Variants in GPHN observed in about 807,000 individuals in gnomAD.
The protein encoded by GPHN is gephyrin.
Under a neutral mutation model 95.5 loss-of-function variants are expected in GPHN, and 17 were observed. The observed-to-expected ratio is 0.18, with a 90% CI of 0.12 to 0.27. The LOEUF (loss-of-function observed/expected upper bound fraction) is 0.27. Among genes scored for constraint, GPHN ranks in the 10% least tolerant of loss-of-function variants. GPHN has a pLI of 1.00. For missense variants in GPHN, 660 were observed against 978.1 expected (o/e 0.67, Z 4.34); for synonymous variants, 320 against 322.5 (o/e 0.99, Z 0.08).
chr14:66,816,481 A>G (rs1356352506), intron 3 of GPHN, among the ~76,000 whole-genome samples: 1 of 152,208 alleles, frequency 6.6e-6, no homozygotes, highest in Non-Finnish European at 1.5e-5. Context: ...ATCAAATTAG[A>G]AATTAAGACT....
At chr14:67,274,060 C>T in the GPHN span, among the ~76,000 whole-genome samples, 3 of 152,078 alleles carry the variant, frequency 2.0e-5, no homozygotes, top group African/African-American at 7.2e-5. Flanking sequence ...AATTTTCTCC[C>T]ATTCTGTAGG....
At chr14:66,773,352 C>CT (rs542180875) in intron 2 of GPHN, among the ~76,000 whole-genome samples, 4,036 of 121,798 alleles carry the variant, frequency 0.033, 84 homozygotes, top group Middle Eastern at 0.086. Context: ...TTGGGGAAAT[C>CT]TTTTTTTTTT....
the GPHN span, chr14:67,593,739 T>C: frequency 6.3e-7 from 1 of 1,584,902 alleles, no homozygotes; most frequent in East Asian, 2.2e-5. Context: ...TTTTAAATAC[T>C]TACCATGTAA....
chr14:67,646,729 C>T, the GPHN span: 4 of 1,611,386 alleles, frequency 2.5e-6, no homozygotes, highest in Non-Finnish European at 3.4e-6. Context: ...GACGTGGACC[C>T]TCCTGAACAG....
the GPHN span, among the ~76,000 whole-genome samples, chr14:67,701,678 T>C: frequency 6.6e-6 from 1 of 152,112 alleles, no homozygotes; most frequent in Non-Finnish European, 1.5e-5. Context: ...CACTTCAGCC[T>C]CCCAAAGTGC....
the GPHN span, among the ~76,000 whole-genome samples, chr14:67,211,937 A>G: frequency 6.6e-6 from 1 of 152,208 alleles, no homozygotes; most frequent in South Asian, 2.1e-4. Flanking sequence ...GTCCCTGCAA[A>G]ACTTCTCAAA....
At chr14:66,839,555 G>C (rs1382537241) in intron 4 of GPHN, among the ~76,000 whole-genome samples, 3 of 152,120 alleles carry the variant, frequency 2.0e-5, no homozygotes, top group African/African-American at 7.2e-5. Flanking sequence ...TTACAAAATG[G>C]AGGTATTTGA....
At chr14:67,099,392 A>G (rs937506218) in intron 12 of GPHN, among the ~76,000 whole-genome samples, 1 of 152,154 alleles carries the variant, frequency 6.6e-6, no homozygotes, top group Non-Finnish European at 1.5e-5. Context: ...AAGTGCTGGG[A>G]TGACAGGTGT....
At chr14:66,582,364 A>C (rs2061220878) in intron 1 of GPHN, among the ~76,000 whole-genome samples, 1 of 151,982 alleles carries the variant, frequency 6.6e-6, no homozygotes, top group Non-Finnish European at 1.5e-5. Flanking sequence ...AAATTATGGG[A>C]TGCAACAAAA....
intron 3 of GPHN, among the ~76,000 whole-genome samples, chr14:66,818,253 C>A (rs929014134): frequency 7.2e-5 from 11 of 152,034 alleles, no homozygotes; most frequent in African/African-American, 2.7e-4. Context: ...CTGCTTCTCT[C>A]CCTCCTCTCA....
chr14:67,725,990 T>C, the GPHN span: 675 of 1,107,064 alleles, frequency 6.1e-4, 2 homozygotes, highest in Non-Finnish European at 8.3e-4. Context: ...TATGCAGGTC[T>C]GTTACAGGCA....
chr14:67,620,297 G>C, the GPHN span, among the ~76,000 whole-genome samples: 1 of 152,022 alleles, frequency 6.6e-6, no homozygotes, highest in Non-Finnish European at 1.5e-5. Flanking sequence ...GGGAGGGGTG[G>C]AGGGCACCCT....
chr14:67,338,511 CA>C, the GPHN span: 1 of 1,192,396 alleles, frequency 8.4e-7, no homozygotes, highest in Non-Finnish European at 1.1e-6. Context: ...ATTTTACAAC[CA>C]GTGAAATTCT....
Position 67,100,874 on chromosome 14 carries a change from A to T in GPHN, c.1256A>T (p.Asp419Val). ...YAVRAADGPGDRFIIGESQAG... is the reference protein window; with the variant it reads ...YAVRAADGPGVRFIIGESQAG... The stretch of plus-strand genomic sequence containing the variant: ...CTCACAGCTGCTGATGGCCCAGGAG[A>T]TCGTTTCATCATTGGGGAATCCCAA... Residue 419 changes from aspartate (D) to valine (V), a missense_variant, in exon 13 of 23, where the codon GAT becomes GTT. By Grantham distance (152) the Asp-to-Val change is radical. Transcript: ENST00000478722. The T allele has an allele frequency of 1.9e-6, 3 of 1,608,054 alleles. No individual in the cohort carries two copies. The highest frequency in any genetic ancestry group is 1.3e-5 in the African/African-American group (1 of 74,890).
At chr14:67,699,016 C>T in the GPHN span, among the ~76,000 whole-genome samples, 5 of 151,844 alleles carry the variant, frequency 3.3e-5, no homozygotes, top group African/African-American at 7.3e-5. Flanking sequence ...TTTGGGAGGC[C>T]GAAATGGATG....
chr14:67,351,056 GGAATATTTAATGTTTGA>G, the GPHN span, among the ~76,000 whole-genome samples: 1 of 152,140 alleles, frequency 6.6e-6, no homozygotes, highest in Admixed American at 6.5e-5. Context: ...AAGTACATCT[GGAATATTTAATGTTTGA>G]GAATATTCAA....
the GPHN span, among the ~76,000 whole-genome samples, chr14:67,344,904 C>CA: frequency 4.0e-5 from 6 of 150,004 alleles, no homozygotes; most frequent in African/African-American, 1.2e-4. Flanking sequence ...AACAAACAAA[C>CA]AAAAAAAACA....
the GPHN span, among the ~76,000 whole-genome samples, chr14:67,308,264 TA>T: frequency 6.8e-6 from 1 of 147,846 alleles, no homozygotes; most frequent in African/African-American, 2.5e-5. Flanking sequence ...GTAAAAAGTA[TA>T]AAAGCCAACC....
the GPHN span, chr14:67,733,866 G>A: frequency 6.4e-7 from 1 of 1,557,284 alleles, no homozygotes; most frequent in Non-Finnish European, 8.9e-7. Flanking sequence ...AAGAGCTGCA[G>A]CTTTATCAGG....
Sources: allele counts gnomAD v4.1 joint callset (sites outside exome capture counted in the v4.1 genomes callset), GRCh38; gene constraint gnomAD v4.1.1; transcripts MANE v1.5; gene names NCBI Gene and HGNC (gene_info 2026-07-23, HGNC 2026-07-21).